Variants in CRHR1 observed in about 807,000 individuals in gnomAD.
CRHR1 encodes the protein corticotropin-releasing hormone receptor 1.
CRHR1 carries 28 observed loss-of-function variants against 56.0 expected under a neutral mutation model. That is an observed-to-expected ratio of 0.50 (90% CI 0.37 to 0.69). The LOEUF is 0.69. Ranked by LOEUF, CRHR1 falls within the 30% of genes least tolerant of loss-of-function variation. The pLI, the probability that CRHR1 is intolerant of heterozygous loss-of-function variation, is 0.00. For synonymous variants in CRHR1, 195 were observed against 216.5 expected, an observed-to-expected ratio of 0.90 and a Z score of 0.87; for missense variants, 376 against 548.0, an observed-to-expected ratio of 0.69 and a Z score of 3.13.
chr17:45,806,037 T>A (rs1387980504), intron 1 of CRHR1, among the ~76,000 whole-genome samples: 4 of 152,138 alleles, frequency 2.6e-5, no homozygotes, highest in Middle Eastern at 3.2e-3. Flanking sequence ...GGTGGGACAG[T>A]TAGACCCATT....
intron 11 of CRHR1, 21 bp downstream of exon 11, chr17:45,833,870 A>T: frequency 6.2e-7 from 1 of 1,612,894 alleles, no homozygotes; most frequent in Non-Finnish European, 8.5e-7. Flanking sequence ...GGAGGGACAC[A>T]TCAGCACCTC....
At chr17:45,823,233 A>G (rs1199164133) in intron 4 of CRHR1, among the ~76,000 whole-genome samples, 1 of 151,830 alleles carries the variant, frequency 6.6e-6, no homozygotes, top group East Asian at 1.9e-4. Flanking sequence ...CACACTGTCC[A>G]AGGAGGACCT....
chr17:45,812,420 G>A (rs1002443023), intron 2 of CRHR1, among the ~76,000 whole-genome samples: 12 of 152,234 alleles, frequency 7.9e-5, no homozygotes, highest in Admixed American at 1.3e-4. Context: ...CTATTTGCAA[G>A]GTTGGATTAC....
At chr17:45,833,693 T>TGGGGGGGGCGG in intron 10 of CRHR1, 21 bp from the exon 11 acceptor site, 1 of 1,571,616 alleles carries the variant, frequency 6.4e-7, no homozygotes, top group Non-Finnish European at 8.7e-7. Flanking sequence ...ACTCCGAGCC[T>TGGGGGGGGCGG]CCCCACCCGC....
intron 1 of CRHR1, among the ~76,000 whole-genome samples, chr17:45,792,595 C>G (rs2061446495): frequency 6.6e-6 from 1 of 152,200 alleles, no homozygotes; most frequent in Non-Finnish European, 1.5e-5. Flanking sequence ...CTGTGCCAAT[C>G]TTCATCTGTC....
In CRHR1 at chr17:45,834,508, A is replaced by T. The variant is rs1375724483; in HGVS notation, c.1108-116A>T. On this transcript the variant is annotated intron_variant, in intron 12 of 12. Coordinates refer to ENST00000314537, the MANE Select transcript of CRHR1 (RefSeq NM_004382.5). Reference sequence around the variant, plus strand: ...GTGTCATCCCCTACTGAGGACTTCCATGTACTCAGCTGACCTGCACAGCCG... The same window carrying T: ...GTGTCATCCCCTACTGAGGACTTCCTTGTACTCAGCTGACCTGCACAGCCG... 4 of 1,220,122 alleles carry T rather than the reference A, an allele frequency of 3.3e-6. No homozygotes were observed. The African/African-American group carries it at 6.1e-5, about 19-fold the overall frequency. The allele number at this position is 1,220,122 out of a possible 1,614,324, so 75.6% of individuals were successfully genotyped here.
intron 1 of CRHR1, among the ~76,000 whole-genome samples, chr17:45,798,790 C>T (rs570995552): frequency 1.4e-4 from 22 of 152,232 alleles, no homozygotes; most frequent in South Asian, 1.2e-3. Context: ...GGAGAAAGGC[C>T]GGGGGCGGGG....
At chr17:45,832,059 A>T (rs959011630) in intron 8 of CRHR1, among the ~76,000 whole-genome samples, 1 of 144,288 alleles carries the variant, frequency 6.9e-6, no homozygotes, top group African/African-American at 2.7e-5. Flanking sequence ...CGTATCTACT[A>T]AAAAAAAAAC....
At chr17:45,785,728 G>C (rs1333068080) in intron 1 of CRHR1, among the ~76,000 whole-genome samples, 1 of 152,202 alleles carries the variant, frequency 6.6e-6, no homozygotes, top group Non-Finnish European at 1.5e-5. Flanking sequence ...CAAGTGGTTT[G>C]AGTTAAACCA....
chr17:45,834,577 G>A (rs1157037511), intron 12 of CRHR1, 47 bp from the exon 13 acceptor site: 4 of 1,567,582 alleles, frequency 2.6e-6, no homozygotes, highest in Non-Finnish European at 3.5e-6. Flanking sequence ...GAGGGAGGGG[G>A]TCCTGAGCCA....
rs1348693355 is a variant in CRHR1, at chr17:45,833,084, C to G, written c.771-54C>G. 17 of 1,477,688 alleles carry G rather than the reference C, an allele frequency of 1.2e-5. No homozygotes were observed. The East Asian group carries it at 3.8e-4, about 33-fold the overall frequency. 91.5% of individuals were successfully genotyped at this position (1,477,688 alleles called of 1,614,324 possible). ...TGGCCAAGCACTGTCCCTCCCCATG[C>G]CATCGAGGTGGACGCAGATGACCCT... On this transcript the variant is annotated intron_variant, in intron 8 of 12. Transcript: ENST00000314537.
intron 1 of CRHR1, among the ~76,000 whole-genome samples, chr17:45,802,699 G>A (rs2061646068): frequency 6.6e-6 from 1 of 152,200 alleles, no homozygotes; most frequent in Non-Finnish European, 1.5e-5. Context: ...AGTCCTCTGT[G>A]TTTAGAAAAT....
In CRHR1 at chr17:45,833,062, C is replaced by G. The variant is rs1267766446; in HGVS notation, c.771-76C>G. 30 of 1,336,360 alleles carry G rather than the reference C, an allele frequency of 2.2e-5. 1 individual carries two copies. In the South Asian group the frequency reaches 3.3e-4, roughly 15 times the overall value. 82.8% of individuals were successfully genotyped at this position (1,336,360 alleles called of 1,614,324 possible). A position where few individuals can be genotyped will look rare whatever the true frequency, so the allele number is the denominator to read the frequency against. On this transcript the variant is annotated intron_variant, in intron 8 of 12. Coordinates refer to ENST00000314537, the MANE Select transcript of CRHR1 (RefSeq NM_004382.5). ...GCCTCCAGCCCCAGTCCTGTCCTGG[C>G]CAAGCACTGTCCCTCCCCATGCCAT...
chr17:45,829,669 C>A, intron 5 of CRHR1: 1 of 1,547,748 alleles, frequency 6.5e-7, no homozygotes, highest in Non-Finnish European at 8.7e-7. Context: ...CCAGCACTAC[C>A]GCCAAGGATG....
In CRHR1 at chr17:45,796,308, G is replaced by A. The variant is rs1311379064; in HGVS notation, c.34-10702G>A. Among the ~76,000 whole-genome samples the A allele has an allele frequency of 4.0e-5, 6 of 151,516 alleles. No homozygotes were observed. In the East Asian group the frequency reaches 1.2e-3, roughly 29 times the overall value. ...GGCACTGGATCAGAACCCTGGGCTGGGCTCCCCTCTTCTGTGAGAGCCAAA... is the reference window on the plus strand; with the variant it reads ...GGCACTGGATCAGAACCCTGGGCTGAGCTCCCCTCTTCTGTGAGAGCCAAA... On this transcript the variant is annotated intron_variant, in intron 1 of 12. Transcript: ENST00000314537.
intron 3 of CRHR1, among the ~76,000 whole-genome samples, chr17:45,816,853 G>A (rs1171930601): frequency 6.6e-6 from 1 of 152,238 alleles, no homozygotes; most frequent in Non-Finnish European, 1.5e-5. Context: ...CCCATTGGCA[G>A]CTGGTAAGGG....
chr17:45,831,778 G>A (rs915298771), intron 8 of CRHR1, among the ~76,000 whole-genome samples: 8 of 152,172 alleles, frequency 5.3e-5, no homozygotes, highest in Non-Finnish European at 1.2e-4. Flanking sequence ...TGCCAAACAA[G>A]TGTTCCCGGG....
At chr17:45,820,281 G>C (rs762314996) in intron 3 of CRHR1, among the ~76,000 whole-genome samples, 3 of 152,204 alleles carry the variant, frequency 2.0e-5, no homozygotes, top group Non-Finnish European at 2.9e-5. Context: ...TAGAGCTACT[G>C]ATGCCAGAGC....
chr17:45,792,873 C>T (rs1403713321), intron 1 of CRHR1, among the ~76,000 whole-genome samples: 3 of 152,218 alleles, frequency 2.0e-5, no homozygotes, highest in Admixed American at 2.0e-4. Context: ...GCCCTTGTTC[C>T]CACCGTAGAC....
Sources: gnomAD v4.1 joint callset for allele counts (sites outside exome capture counted in the v4.1 genomes callset) on GRCh38, gnomAD v4.1.1 for gene constraint, MANE v1.5 for transcripts, NCBI Gene and HGNC (gene_info 2026-07-23, HGNC 2026-07-21) for gene names.